Variants in CASK observed in about 807,000 individuals in gnomAD.
CASK encodes the protein calcium/calmodulin dependent serine protein kinase.
In CASK, 4 loss-of-function variants were observed where a neutral mutation model predicts 82.9. The ratio of observed to expected loss-of-function variants is 0.05; its 90% CI spans 0.02 to 0.11. The LOEUF (loss-of-function observed/expected upper bound fraction) is 0.11, where lower values mean the gene tolerates loss of function less well. Ranked by LOEUF, CASK falls within the 10% of genes least tolerant of loss-of-function variation. The probability of loss-of-function intolerance (pLI) is 1.00; values close to 1 mark genes in which losing one functional copy is unlikely to be tolerated. For synonymous variants in CASK, 259 were observed against 253.5 expected, an observed-to-expected ratio of 1.02 and a Z score of -0.20; for missense variants, 358 against 720.9, an observed-to-expected ratio of 0.50 and a Z score of 5.76.
At chrX:41,861,876 GTA>G (rs1430844177) in intron 1 of CASK, among the ~76,000 whole-genome samples, 1 of 98,407 alleles carries the variant, frequency 1.0e-5, no homozygotes, top group Non-Finnish European at 2.0e-5. Context: ...TATACATACA[GTA>G]TATATAGTAT....
intron 3 of CASK, among the ~76,000 whole-genome samples, chrX:41,770,257 CATCTATCTATCT>C (rs751579544): frequency 1.8e-4 from 16 of 86,534 alleles, no homozygotes; most frequent in African/African-American, 4.1e-4. Context: ...ATCTATCTAT[CATCTATCTATCT>C]ATCTATCTAT....
intron 1 of CASK, among the ~76,000 whole-genome samples, chrX:41,854,645 A>C: frequency 8.9e-6 from 1 of 112,361 alleles, no homozygotes; most frequent in Admixed American, 9.4e-5. Flanking sequence ...CGAACTACTA[A>C]ATTTAATCTT....
intron 1 of CASK, among the ~76,000 whole-genome samples, chrX:41,921,543 G>T (rs1446058847): frequency 9.0e-6 from 1 of 111,493 alleles, no homozygotes; most frequent in Non-Finnish European, 1.9e-5. Context: ...GGACAGTGCT[G>T]TTCTAGAACA....
chrX:41,888,731 GTA>G (rs1236225279), intron 1 of CASK, among the ~76,000 whole-genome samples: 71 of 100,675 alleles, frequency 7.1e-4, no homozygotes, highest in South Asian at 1.7e-3. Flanking sequence ...GTGAATATAT[GTA>G]TATATATACA....
At position 41,519,468 on chromosome X, in the gene CASK, T is replaced by C. The variant is rs779244052; in HGVS notation, c.*952A>G. 9.8e-5 allele frequency: 11 copies of C among 111,732 alleles called. No individual in the cohort carries two copies. Among genetic ancestry groups the C allele is most frequent in the Non-Finnish European group, 1.7e-4 (9 of 53,200 alleles). 9.2% of individuals were successfully genotyped at this position (111,732 alleles called of 1,213,427 possible). On this transcript the variant is annotated 3_prime_UTR_variant, in exon 27 of 27. Coordinates refer to ENST00000378163, the MANE Select transcript of CASK (RefSeq NM_001367721.1). Reference sequence around the variant, plus strand: ...ACTCTTAGACAACACAGATCTGAAATGGTGAAACCAGCAATTCCCCCCACC... The same window carrying C: ...ACTCTTAGACAACACAGATCTGAAACGGTGAAACCAGCAATTCCCCCCACC...
At chrX:41,891,031 G>A (rs2072158652) in intron 1 of CASK, among the ~76,000 whole-genome samples, 1 of 108,253 alleles carries the variant, frequency 9.2e-6, no homozygotes, top group African/African-American at 3.4e-5. Flanking sequence ...GGTATTACAG[G>A]TGCGTGCCAC....
At chrX:41,652,461 C>T (rs1205688662) in intron 8 of CASK, among the ~76,000 whole-genome samples, 1 of 111,817 alleles carries the variant, frequency 8.9e-6, no homozygotes, top group Admixed American at 9.5e-5. Flanking sequence ...CTTAGAATGG[C>T]GTAAGGGCTA....
At chrX:41,558,573 T>C (rs183366754) in intron 18 of CASK, 113 of 111,574 alleles carry the variant, frequency 1.0e-3, no homozygotes, top group African/African-American at 3.5e-3. Flanking sequence ...AAGTGTGACA[T>C]TCTTTGTTTC....
At chrX:41,826,220 T>C (rs2070662716) in intron 2 of CASK, among the ~76,000 whole-genome samples, 1 of 112,143 alleles carries the variant, frequency 8.9e-6, no homozygotes, top group Non-Finnish European at 1.9e-5. Context: ...ACATCCTTTC[T>C]CCTTCCAACC....
chrX:41,671,807 G>A (rs1409899566), intron 5 of CASK, among the ~76,000 whole-genome samples: 1 of 112,014 alleles, frequency 8.9e-6, no homozygotes, highest in Non-Finnish European at 1.9e-5. Flanking sequence ...AAGCATGGAT[G>A]TTCAAGAAAC....
chrX:41,701,288 T>C (rs1023520009), intron 5 of CASK, among the ~76,000 whole-genome samples: 3 of 111,683 alleles, frequency 2.7e-5, no homozygotes, highest in Admixed American at 9.5e-5. Context: ...AACAAAATAA[T>C]AGAAATAACT....
intron 24 of CASK, among the ~76,000 whole-genome samples, chrX:41,532,114 C>T (rs1357302865): frequency 9.0e-6 from 1 of 110,607 alleles, no homozygotes; most frequent in Non-Finnish European, 1.9e-5. Flanking sequence ...TTTTGTATTT[C>T]CAACAGAGAC....
intron 22 of CASK, among the ~76,000 whole-genome samples, chrX:41,542,406 C>T (rs1041871634): frequency 8.8e-6 from 1 of 113,132 alleles, no homozygotes; most frequent in Non-Finnish European, 1.9e-5. Flanking sequence ...CTCAAGCTTT[C>T]ATTTCTCAGG....
At chrX:41,736,516 AAAAC>A (rs1236261122) in intron 5 of CASK, among the ~76,000 whole-genome samples, 24 of 111,767 alleles carry the variant, frequency 2.1e-4, no homozygotes, top group African/African-American at 2.9e-4. Context: ...CAAACAAAAC[AAAAC>A]AAACAAACAA....
chrX:41,836,157 G>T (rs969188469), intron 2 of CASK, among the ~76,000 whole-genome samples: 1 of 110,881 alleles, frequency 9.0e-6, no homozygotes, highest in African/African-American at 3.3e-5. Flanking sequence ...AAGATATAAG[G>T]TCTACAGAAA....
At chrX:41,640,997 T>C (rs960553541) in intron 8 of CASK, among the ~76,000 whole-genome samples, 1 of 97,668 alleles carries the variant, frequency 1.0e-5, no homozygotes, top group Non-Finnish European at 2.1e-5. Context: ...TTTTTTTTTT[T>C]TTTTTGAGAC....
intron 16 of CASK, among the ~76,000 whole-genome samples, chrX:41,569,299 C>T (rs1188491745): frequency 6.3e-5 from 7 of 111,294 alleles, no homozygotes; most frequent in East Asian, 2.8e-4. Context: ...CCGTGGTCCC[C>T]GTAAGTAGTA....
At chrX:41,790,606 C>T (rs1372560581) in intron 2 of CASK, among the ~76,000 whole-genome samples, 2 of 111,447 alleles carry the variant, frequency 1.8e-5, no homozygotes, top group African/African-American at 3.3e-5. Flanking sequence ...TAAATGTCAC[C>T]GGATCTGACA....
At chrX:41,542,664 C>T (rs12842176) in intron 22 of CASK, 27 bp downstream of exon 22, 1 of 958,133 alleles carries the variant, frequency 1.0e-6, no homozygotes, top group Non-Finnish European at 1.5e-6. Context: ...TTAACCCAGC[C>T]TCAGTAACAG....
Sources: gnomAD v4.1 joint callset for allele counts (sites outside exome capture counted in the v4.1 genomes callset) on GRCh38, gnomAD v4.1.1 for gene constraint, MANE v1.5 for transcripts, NCBI Gene and HGNC (gene_info 2026-07-23, HGNC 2026-07-21) for gene names.